SAMMSON: variants seen among roughly 807,000 people sequenced by gnomAD.
The protein encoded by SAMMSON is long intergenic non-protein coding RNA 1212.
intron 3 of SAMMSON, among the ~76,000 whole-genome samples, chr3:70,031,606 A>G (rs2067066355): frequency 6.6e-6 from 1 of 152,174 alleles, no homozygotes; most frequent in South Asian, 2.1e-4. Flanking sequence ...TAAGAACTGA[A>G]ATGTAAAGCT....
At position 70,293,639 on chromosome 3, in the gene SAMMSON, AT is replaced by A. The variant is rs113329006; in HGVS notation, n.739+2403del. 1.6e-4 allele frequency among the ~76,000 whole-genome samples: 25 copies of A among 152,186 alleles called. 1 individual carries two copies. Among genetic ancestry groups the A allele is most frequent in the African/African-American group, 5.5e-4 (23 of 41,544 alleles). Reference sequence around the variant, plus strand: ...CTTGGTTTTTGCCACCAAATAAGACATTTTTTTGTAGGCCTGTTCCTTTCCT... The same window carrying A: ...CTTGGTTTTTGCCACCAAATAAGACATTTTTTGTAGGCCTGTTCCTTTCCT... On this transcript the variant is annotated intron_variant and non_coding_transcript_variant, in intron 7 of 9. Coordinates refer to ENST00000642114, the Ensembl canonical transcript of SAMMSON.
intron 9 of SAMMSON, among the ~76,000 whole-genome samples, chr3:70,387,048 A>G (rs1246236780): frequency 6.6e-6 from 1 of 152,028 alleles, no homozygotes; most frequent in African/African-American, 2.4e-5. Flanking sequence ...ATTACATATT[A>G]TAGATTTTCT....
intron 6 of SAMMSON, among the ~76,000 whole-genome samples, chr3:70,251,702 A>G (rs145428377): frequency 2.6e-5 from 4 of 152,260 alleles, no homozygotes; most frequent in African/African-American, 9.6e-5. Context: ...ACCCGCAATT[A>G]CTTTTGCCCC....
In SAMMSON at chr3:70,139,780, G is replaced by A. The variant is rs151090493; in HGVS notation, n.507+68215G>A. ...TGATGTTCTCCAAAATGTCTTTGGG[G>A]TCATTCTTCCATTGTATTGGACAAT... On this transcript the variant is annotated intron_variant and non_coding_transcript_variant, in intron 4 of 9. Coordinates refer to ENST00000642114, the Ensembl canonical transcript of SAMMSON. 6.5e-4 allele frequency among the ~76,000 whole-genome samples: 99 copies of A among 152,236 alleles called. 1 individual carries two copies. In the East Asian group the frequency reaches 0.016, roughly 25 times the overall value.
intron 4 of SAMMSON, among the ~76,000 whole-genome samples, chr3:70,245,964 A>G (rs773574613): frequency 5.3e-5 from 8 of 151,294 alleles, no homozygotes; most frequent in Non-Finnish European, 1.2e-4. Flanking sequence ...TGTTCTTTTG[A>G]TATGGTAGGG....
At chr3:70,008,437 G>A (rs1354206278) in intron 1 of SAMMSON, among the ~76,000 whole-genome samples, 2 of 151,442 alleles carry the variant, frequency 1.3e-5, no homozygotes, top group Non-Finnish European at 3.0e-5. Flanking sequence ...TCATGATTTG[G>A]CTCTCTGTTA....
intron 4 of SAMMSON, among the ~76,000 whole-genome samples, chr3:70,142,199 G>A (rs933551250): frequency 1.3e-5 from 2 of 152,098 alleles, no homozygotes; most frequent in African/African-American, 4.8e-5. Context: ...CAGAGGAAAA[G>A]AAGTCATTAT....
intron 4 of SAMMSON, among the ~76,000 whole-genome samples, chr3:70,171,289 A>T (rs1174706203): frequency 1.3e-5 from 2 of 151,866 alleles, no homozygotes; most frequent in Non-Finnish European, 2.9e-5. Flanking sequence ...AGGCTAACCT[A>T]TGTTTTTCAT....
chr3:70,216,734 G>C (rs890180462), intron 4 of SAMMSON, among the ~76,000 whole-genome samples: 1 of 152,114 alleles, frequency 6.6e-6, no homozygotes, highest in African/African-American at 2.4e-5. Context: ...GGTGAGGCAG[G>C]CCTTCCCTTA....
At chr3:70,157,688 A>G (rs973958169) in intron 4 of SAMMSON, among the ~76,000 whole-genome samples, 1 of 152,140 alleles carries the variant, frequency 6.6e-6, no homozygotes, top group Non-Finnish European at 1.5e-5. Context: ...TTGAAAATGT[A>G]GCTAATGATT....
At chr3:70,328,630 A>G (rs1702598219) in intron 7 of SAMMSON, among the ~76,000 whole-genome samples, 1 of 152,182 alleles carries the variant, frequency 6.6e-6, no homozygotes, top group African/African-American at 2.4e-5. Flanking sequence ...AAAAACACAG[A>G]TTTTAAAAAT....
intron 4 of SAMMSON, among the ~76,000 whole-genome samples, chr3:70,226,457 G>T (rs955830866): frequency 6.6e-6 from 1 of 152,164 alleles, no homozygotes; most frequent in Non-Finnish European, 1.5e-5. Context: ...AGTGTTCAAG[G>T]CTGGGCGCAG....
intron 7 of SAMMSON, among the ~76,000 whole-genome samples, chr3:70,314,802 T>G (rs1405895858): frequency 6.6e-6 from 1 of 152,176 alleles, no homozygotes; most frequent in East Asian, 1.9e-4. Flanking sequence ...TCATGTGCTT[T>G]CTAAGGCAGA....
chr3:70,019,776 G>T (rs2067003992), intron 3 of SAMMSON, among the ~76,000 whole-genome samples: 2 of 152,126 alleles, frequency 1.3e-5, no homozygotes, highest in African/African-American at 4.8e-5. Context: ...GGGCTGACCT[G>T]GTGGTGACAA....
intron 4 of SAMMSON, among the ~76,000 whole-genome samples, chr3:70,092,232 A>G (rs1024490695): frequency 4.6e-5 from 7 of 152,134 alleles, no homozygotes; most frequent in African/African-American, 1.7e-4. Flanking sequence ...CTGAAGCTAT[A>G]TATAGTTTTA....
intron 2 of SAMMSON, among the ~76,000 whole-genome samples, chr3:70,409,218 C>T (rs988825180): frequency 6.6e-6 from 1 of 152,142 alleles, no homozygotes; most frequent in Non-Finnish European, 1.5e-5. Context: ...ATTCTGATGA[C>T]TCAACATAAT....
intron 4 of SAMMSON, among the ~76,000 whole-genome samples, chr3:70,090,215 T>G (rs1015557175): frequency 6.6e-6 from 1 of 152,192 alleles, no homozygotes; most frequent in Non-Finnish European, 1.5e-5. Context: ...AGAAAAAGTT[T>G]AGATTACCCA....
chr3:70,253,432 C>T (rs907530719), intron 6 of SAMMSON, among the ~76,000 whole-genome samples: 5 of 152,086 alleles, frequency 3.3e-5, no homozygotes, highest in Non-Finnish European at 5.9e-5. Context: ...TGGCTGCTTT[C>T]GGTGGGGCAC....
At chr3:70,081,944 A>G (rs1279165169) in intron 4 of SAMMSON, among the ~76,000 whole-genome samples, 1 of 152,200 alleles carries the variant, frequency 6.6e-6, no homozygotes, top group African/African-American at 2.4e-5. Flanking sequence ...TGTAGCCAAA[A>G]TGATTAGTGT....
Sources: allele counts gnomAD v4.1 joint callset (sites outside exome capture counted in the v4.1 genomes callset), GRCh38; gene constraint gnomAD v4.1.1; transcripts MANE v1.5; gene names NCBI Gene and HGNC (gene_info 2026-07-23, HGNC 2026-07-21).